Variants in UTP6 observed in about 807,000 individuals in gnomAD.
The protein encoded by UTP6 is U3 small nucleolar RNA-associated protein 6 homolog.
Under a neutral mutation model 96.5 loss-of-function variants are expected in UTP6, and 60 were observed. The observed-to-expected ratio is 0.62, with a 90% confidence interval of 0.51 to 0.77. The LOEUF is 0.77. UTP6 is among the 30% of genes least tolerant of loss of function. The pLI is 0.00. For missense variants in UTP6, 637 were observed against 706.5 expected (o/e 0.90, Z 1.12); for synonymous variants, 215 against 240.1 (o/e 0.90, Z 0.96).
intron 16 of UTP6, among the ~76,000 whole-genome samples, chr17:31,869,788 A>G (rs924216612): frequency 1.3e-5 from 2 of 152,214 alleles, no homozygotes; most frequent in Non-Finnish European, 2.9e-5. Context: ...GGAGCACAGT[A>G]ATCGATAGGT....
chr17:31,863,513 A>T lies in UTP6; in HGVS notation c.1640T>A (p.Leu547His). The T allele has an allele frequency of 6.3e-7, 1 of 1,598,720 alleles. No homozygotes were observed. Among genetic ancestry groups the T allele is most frequent in the Non-Finnish European group, 8.5e-7 (1 of 1,174,996 alleles). Reference sequence around the variant, plus strand: ...TTCTTCTTTCATATAATCCATCCAAAGATCTTTTAAAAAAAAAACATACAA... The same window carrying T: ...TTCTTCTTTCATATAATCCATCCAATGATCTTTTAAAAAAAAAACATACAA... ...LREFGSADSD[L>H]WMDYMKEELN... The change falls in exon 19 of 19, where the codon CTT becomes CAT. Residue 547 changes from leucine to histidine, a missense_variant. Physicochemically the swap from Leu to His is moderately conservative, Grantham distance 99 (BLOSUM62 -3). Coordinates refer to ENST00000261708, the MANE Select transcript of UTP6 (RefSeq NM_018428.3).
chr17:31,892,298 A>G lies in UTP6; in HGVS notation c.386T>C (p.Val129Ala). 1 of 1,614,160 alleles carries G rather than the reference A, an allele frequency of 6.2e-7. No homozygotes were observed. Residue 129 changes from valine to alanine, a missense_variant, in exon 6 of 19, where the codon GTA (valine) becomes GCA (alanine). Physicochemically the swap from Val to Ala is moderately conservative, Grantham distance 64. Transcript: ENST00000261708. ...ATGAATCGCCAACATGGCAGAGAAT[A>G]CCTTGCTAAGTCGAGTTTTAGTAGC... ...KWATKTRLSK[V>A]FSAMLAIHSN... is the part of the protein sequence containing the mutation.
At chr17:31,876,905 G>A (rs537246832) in intron 13 of UTP6, among the ~76,000 whole-genome samples, 178 of 152,216 alleles carry the variant, frequency 1.2e-3, no homozygotes, top group African/African-American at 3.8e-3. Context: ...CCAGCTACTC[G>A]GGAGGATGAG....
chr17:31,873,978 T>G, intron 14 of UTP6: 1 of 474,732 alleles, frequency 2.1e-6, no homozygotes, highest in East Asian at 4.1e-5. Context: ...AGAATTCTCA[T>G]TGCCCAGCAG....
intron 6 of UTP6, among the ~76,000 whole-genome samples, chr17:31,890,468 A>T (rs1911424436): frequency 6.6e-6 from 1 of 151,640 alleles, no homozygotes; most frequent in African/African-American, 2.4e-5. Context: ...AATACAAAAA[A>T]TTAGCCAGGC....
chr17:31,899,044 TA>T (rs1167076094), intron 2 of UTP6, among the ~76,000 whole-genome samples: 1 of 150,274 alleles, frequency 6.7e-6, no homozygotes, highest in Non-Finnish European at 1.5e-5. Context: ...AAAACAAAAA[TA>T]AAAAAAGTAA....
At chr17:31,893,265 A>T (rs1475228174) in intron 4 of UTP6, among the ~76,000 whole-genome samples, 1 of 151,374 alleles carries the variant, frequency 6.6e-6, no homozygotes, top group East Asian at 1.9e-4. Flanking sequence ...TCAAAAAAAC[A>T]AACAAAAAAA....
Position 31,887,266 on chromosome 17 carries a change from C to A in UTP6, c.591G>T (p.Lys197Asn), listed in dbSNP as rs142388164. The A allele has an allele frequency of 1.2e-6, 2 of 1,614,092 alleles. No homozygotes were observed. The highest frequency in any genetic ancestry group is 4.5e-5 in the East Asian group (2 of 44,868). Residue 197 changes from lysine (K) to asparagine (N), a missense_variant, in exon 8 of 19, where the codon AAG becomes AAT. Lys to Asn is a moderately conservative substitution (Grantham distance 94). Coordinates refer to ENST00000261708, the MANE Select transcript of UTP6 (RefSeq NM_018428.3). The stretch of plus-strand genomic sequence containing the variant: ...CCATACTGGCTTTTTCAAATTCTTC[C>A]TTCTCCTTCCTCAGTTTTTCAGCAT... ...LMHAEKLRKE[K>N]EEFEKASMDV... is the part of the protein sequence containing the mutation.
At chr17:31,896,039 C>T (rs541388720) in intron 2 of UTP6, among the ~76,000 whole-genome samples, 1 of 150,662 alleles carries the variant, frequency 6.6e-6, no homozygotes, top group African/African-American at 2.4e-5. Context: ...AAAGTTTGCT[C>T]TTATAATGAA....
chr17:31,890,439 A>C (rs1911422586), intron 6 of UTP6, among the ~76,000 whole-genome samples: 1 of 151,550 alleles, frequency 6.6e-6, no homozygotes, highest in South Asian at 2.1e-4. Flanking sequence ...AACATGGTGA[A>C]TCCTCGTTTC....
At chr17:31,894,788 A>G in intron 3 of UTP6, 51 bp from the exon 4 acceptor site, 1 of 1,500,398 alleles carries the variant, frequency 6.7e-7, no homozygotes, top group Non-Finnish European at 9.2e-7. Flanking sequence ...TATTTGTCCA[A>G]AACAGCATTC....
intron 14 of UTP6, 72 bp downstream of exon 14, chr17:31,875,162 T>C: frequency 1.3e-6 from 2 of 1,567,432 alleles, no homozygotes; most frequent in South Asian, 1.2e-5. Context: ...GACAAGTACA[T>C]TCCAAATGAG....
rs1004168737 is a variant in UTP6 at position 31,863,310 on chromosome 17, G to A, written c.*49C>T. The stretch of plus-strand genomic sequence containing the variant: ...ATGGACTCAATACAAATTTGCCCAC[G>A]GGGCTTGCTTGCAATACTATTTCAC... On this transcript the variant is annotated 3_prime_UTR_variant, in exon 19 of 19. Coordinates refer to ENST00000261708, the MANE Select transcript of UTP6 (RefSeq NM_018428.3). The A allele has an allele frequency of 2.5e-6, 4 of 1,596,784 alleles. No homozygotes were observed. The highest frequency in any genetic ancestry group is 1.7e-5 in the Admixed American group (1 of 58,264).
intron 14 of UTP6, among the ~76,000 whole-genome samples, 172 bp downstream of exon 14, chr17:31,875,062 G>A (rs1910414908): frequency 6.6e-6 from 1 of 152,044 alleles, no homozygotes; most frequent in South Asian, 2.1e-4. Flanking sequence ...TTCAAATAAA[G>A]GATATTAAAT....
At chr17:31,873,185 C>G (rs1342335358) in intron 16 of UTP6, 193 bp downstream of exon 16, 1 of 487,692 alleles carries the variant, frequency 2.1e-6, no homozygotes. Flanking sequence ...ACGCAGGAGG[C>G]GGAGATTGCA....
intron 10 of UTP6, among the ~76,000 whole-genome samples, chr17:31,883,497 T>A (rs746753933): frequency 1.6e-4 from 24 of 152,008 alleles, no homozygotes; most frequent in Non-Finnish European, 2.6e-4. Flanking sequence ...GTATTTTTAG[T>A]AGAAACGTGG....
intron 16 of UTP6, chr17:31,873,167 T>G (rs1238058995): frequency 2.3e-6 from 1 of 435,150 alleles, no homozygotes; most frequent in African/African-American, 2.1e-5. Context: ...GGCAGGAGAA[T>G]CACTTGAACG....
chr17:31,896,874 G>T (rs563404101), intron 2 of UTP6, among the ~76,000 whole-genome samples: 2 of 151,930 alleles, frequency 1.3e-5, no homozygotes, highest in Non-Finnish European at 2.9e-5. Flanking sequence ...GGGCTCAAGC[G>T]ATCTGCCTGT....
intron 4 of UTP6, 142 bp downstream of exon 4, chr17:31,894,503 T>G (rs935574558): frequency 3.3e-6 from 2 of 611,000 alleles, no homozygotes; most frequent in Non-Finnish European, 2.8e-6. Context: ...GCTCAAAAAA[T>G]GTTTTGAGTA....
Sources: allele counts gnomAD v4.1 joint callset (sites outside exome capture counted in the v4.1 genomes callset), GRCh38; gene constraint gnomAD v4.1.1; transcripts MANE v1.5; gene names NCBI Gene and HGNC (gene_info 2026-07-23, HGNC 2026-07-21).